Variants in JAZF1 observed in about 807,000 individuals in gnomAD.
JAZF1 encodes juxtaposed with another zinc finger protein 1.
Under a neutral mutation model 26.4 loss-of-function variants are expected in JAZF1, and 8 were observed. That is an observed-to-expected ratio of 0.30 (90% CI 0.18 to 0.55). The LOEUF is 0.55. Among genes scored for constraint, JAZF1 ranks in the 20% least tolerant of loss-of-function variants. The pLI, the probability that JAZF1 is intolerant of heterozygous loss-of-function variation, is 0.94. For missense variants in JAZF1, 199 were observed against 322.0 expected (o/e 0.62, Z 2.92); for synonymous variants, 126 against 122.3 (o/e 1.03, Z -0.20).
intron 1 of JAZF1, among the ~76,000 whole-genome samples, chr7:28,101,936 G>C (rs983463186): frequency 1.3e-5 from 2 of 152,012 alleles, no homozygotes; most frequent in Non-Finnish European, 2.9e-5. Flanking sequence ...ATTTTTAACA[G>C]AATACAGCTA....
At chr7:28,039,895 G>T (rs927020203) in intron 1 of JAZF1, among the ~76,000 whole-genome samples, 6 of 152,162 alleles carry the variant, frequency 3.9e-5, no homozygotes, top group African/African-American at 1.4e-4. Context: ...TTAAAGTCAG[G>T]CCTAAAGCAT....
chr7:27,851,653 C>A (rs1783152752), intron 3 of JAZF1, among the ~76,000 whole-genome samples: 1 of 152,134 alleles, frequency 6.6e-6, no homozygotes, highest in Non-Finnish European at 1.5e-5. Context: ...GTGATGGCAC[C>A]ACTGTACTCC....
At chr7:28,120,462 G>C (rs1444493714) in intron 1 of JAZF1, among the ~76,000 whole-genome samples, 3 of 146,052 alleles carry the variant, frequency 2.1e-5, no homozygotes, top group Non-Finnish European at 3.0e-5. Flanking sequence ...CCTAGGGGTA[G>C]AGGAAGGAAG....
At chr7:28,051,009 G>T (rs1298750296) in intron 1 of JAZF1, among the ~76,000 whole-genome samples, 1 of 151,530 alleles carries the variant, frequency 6.6e-6, no homozygotes, top group East Asian at 2.0e-4. Context: ...GTGTGCACCT[G>T]TAATCCCAGT....
At chr7:27,892,065 G>A (rs940781011) in intron 3 of JAZF1, among the ~76,000 whole-genome samples, 14 of 152,236 alleles carry the variant, frequency 9.2e-5, no homozygotes, top group African/African-American at 3.4e-4. Context: ...GTAGAAATGT[G>A]GAATTTTATA....
intron 1 of JAZF1, among the ~76,000 whole-genome samples, chr7:28,056,021 TTCTC>T (rs760285181): frequency 6.6e-6 from 1 of 152,174 alleles, no homozygotes; most frequent in Non-Finnish European, 1.5e-5. Context: ...TAGTAGCCTG[TTCTC>T]TCTTTCTGCT....
chr7:28,089,416 C>A (rs897433240), intron 1 of JAZF1, among the ~76,000 whole-genome samples: 2 of 152,194 alleles, frequency 1.3e-5, no homozygotes, highest in African/African-American at 4.8e-5. Context: ...GAAATAAATA[C>A]CAGTATTCTA....
At chr7:27,898,306 C>CAG (rs1562522775) in intron 2 of JAZF1, among the ~76,000 whole-genome samples, 1 of 14,210 alleles carries the variant, frequency 7.0e-5, no homozygotes, top group African/African-American at 1.7e-4. Flanking sequence ...TATATATATA[C>CAG]ATCGGTTTTT....
chr7:28,124,673 G>A (rs1042077555), intron 1 of JAZF1, among the ~76,000 whole-genome samples: 1 of 152,128 alleles, frequency 6.6e-6, no homozygotes, highest in Non-Finnish European at 1.5e-5. Context: ...ATTCCATTTT[G>A]CTTTTCTTAG....
At chr7:28,075,444 C>T (rs961250290) in intron 1 of JAZF1, among the ~76,000 whole-genome samples, 2 of 152,118 alleles carry the variant, frequency 1.3e-5, no homozygotes, top group Non-Finnish European at 2.9e-5. Flanking sequence ...TTTTAAAATA[C>T]ACACATACAG....
chr7:28,051,994 G>T (rs913887043), intron 1 of JAZF1, among the ~76,000 whole-genome samples: 1 of 152,052 alleles, frequency 6.6e-6, no homozygotes, highest in Non-Finnish European at 1.5e-5. Flanking sequence ...GAAACTGCAG[G>T]TTCACTCTGA....
chr7:27,942,751 A>T (rs1160319384), intron 2 of JAZF1, among the ~76,000 whole-genome samples: 2 of 152,184 alleles, frequency 1.3e-5, no homozygotes, highest in Non-Finnish European at 2.9e-5. Context: ...ACCGGCCTGA[A>T]AATGTTCCCC....
chr7:27,914,076 A>G (rs1270550213), intron 2 of JAZF1, among the ~76,000 whole-genome samples: 1 of 152,192 alleles, frequency 6.6e-6, no homozygotes, highest in African/African-American at 2.4e-5. Context: ...AAATCTGGGG[A>G]CAGAGCACAG....
intron 1 of JAZF1, among the ~76,000 whole-genome samples, chr7:28,091,623 C>CAT (rs201047242): frequency 2.0e-4 from 30 of 146,820 alleles, no homozygotes; most frequent in African/African-American, 3.7e-4. Flanking sequence ...ATATATATAA[C>CAT]ATATATATAT....
intron 1 of JAZF1, among the ~76,000 whole-genome samples, chr7:28,006,999 C>T (rs1198038212): frequency 6.6e-6 from 1 of 152,106 alleles, no homozygotes; most frequent in Non-Finnish European, 1.5e-5. Context: ...CTTACATGGC[C>T]CCAGAAGCAC....
intron 1 of JAZF1, among the ~76,000 whole-genome samples, chr7:28,123,711 T>TAC (rs146073958): frequency 0.019 from 2,941 of 152,324 alleles, 98 homozygotes; most frequent in African/African-American, 0.068. Context: ...CTGTACCTTG[T>TAC]ACATACACAT....
At chr7:28,105,525 C>A (rs1784538509) in intron 1 of JAZF1, among the ~76,000 whole-genome samples, 1 of 152,202 alleles carries the variant, frequency 6.6e-6, no homozygotes, top group African/African-American at 2.4e-5. Context: ...AGGAAGGCAG[C>A]TGCACTGAGT....
At chr7:27,864,707 C>G (rs1055338068) in intron 3 of JAZF1, among the ~76,000 whole-genome samples, 2 of 152,092 alleles carry the variant, frequency 1.3e-5, no homozygotes, top group African/African-American at 4.8e-5. Context: ...AAAAAAAAAT[C>G]CTACATTTTT....
intron 1 of JAZF1, among the ~76,000 whole-genome samples, chr7:28,159,090 T>C (rs1783237612): frequency 1.3e-5 from 2 of 151,796 alleles, no homozygotes; most frequent in Admixed American, 6.6e-5. Flanking sequence ...ACAATTTCGA[T>C]AGAGGAAAGT....
Sources: gnomAD v4.1 joint callset for allele counts (sites outside exome capture counted in the v4.1 genomes callset) on GRCh38, gnomAD v4.1.1 for gene constraint, MANE v1.5 for transcripts, NCBI Gene and HGNC (gene_info 2026-07-23, HGNC 2026-07-21) for gene names.